Variants in SEMA4F observed in about 807,000 individuals in gnomAD.
SEMA4F encodes ssemaphorin 4F, also known as semaphorin-4F.
A neutral mutation model predicts 78.4 loss-of-function variants in SEMA4F; 51 were observed. The observed-to-expected ratio is 0.65, with a 90% CI of 0.52 to 0.82. SEMA4F has a LOEUF of 0.82. Among genes scored for constraint, SEMA4F ranks in the 40% least tolerant of loss-of-function variants. The probability of loss-of-function intolerance (pLI) is 0.00; values close to 1 mark genes in which losing one functional copy is unlikely to be tolerated. For synonymous variants in SEMA4F, 418 were observed against 408.7 expected (o/e 1.02, Z -0.27); for missense variants, 938 against 1,014.4 (o/e 0.92, Z 1.02).
At chr2:74,673,971 G>A (rs1013858793) in intron 7 of SEMA4F, 143 bp downstream of exon 7, 1 of 1,006,010 alleles carries the variant, frequency 9.9e-7, no homozygotes, top group African/African-American at 1.6e-5. Flanking sequence ...GGGAGCTTGA[G>A]GAATGTGAGA....
At chr2:74,675,450 T>G (rs1685222196) in intron 10 of SEMA4F, 66 bp downstream of exon 10, 1 of 1,591,044 alleles carries the variant, frequency 6.3e-7, no homozygotes, top group East Asian at 2.2e-5. Flanking sequence ...GAGAGGGTAC[T>G]GTAATACATA....
chr2:74,679,358 G>A, intron 13 of SEMA4F, 24 bp downstream of exon 13: 1 of 1,581,080 alleles, frequency 6.3e-7, no homozygotes, highest in Non-Finnish European at 8.7e-7. Context: ...GTATGGATTA[G>A]GGAAATGTGG....
rs562050550 is a variant in SEMA4F, at chr2:74,654,338, C to A, written c.-39C>A. On this transcript the variant is annotated 5_prime_UTR_variant, in exon 1 of 14. Transcript: ENST00000357877. ...TAGCCCCGGGGCCCTGAGCAGAGGC[C>A]GTAGCTTGCGCCGCACCCGCGGCCA... The A allele has an allele frequency of 1.5e-4, 221 of 1,444,970 alleles. 1 individual carries two copies. The highest frequency in any genetic ancestry group is 8.9e-5 in the African/African-American group (6 of 67,182). The allele number at this position is 1,444,970 out of a possible 1,614,324, so 89.5% of individuals were successfully genotyped here. A position where few individuals can be genotyped will look rare whatever the true frequency, so the allele number is the denominator to read the frequency against.
chr2:74,689,812 C>T, the SEMA4F span, among the ~76,000 whole-genome samples: 74 of 152,302 alleles, frequency 4.9e-4, no homozygotes, highest in African/African-American at 1.6e-3. Context: ...CAGACAAGGA[C>T]ACTCAGTGCC....
intron 12 of SEMA4F, among the ~76,000 whole-genome samples, chr2:74,677,193 C>T (rs187098774): frequency 5.3e-5 from 8 of 152,270 alleles, no homozygotes; most frequent in Admixed American, 2.0e-4. Context: ...TGAGCCACTG[C>T]GCCCAGCCCA....
At chr2:74,707,084 C>CAACT in the SEMA4F span, among the ~76,000 whole-genome samples, 29 of 151,840 alleles carry the variant, frequency 1.9e-4, 1 homozygote, top group South Asian at 5.8e-3. Flanking sequence ...ATGTATCTGA[C>CAACT]AAATGCATTT....
intron 5 of SEMA4F, among the ~76,000 whole-genome samples, chr2:74,669,448 G>A (rs1315068221): frequency 1.3e-5 from 2 of 151,778 alleles, no homozygotes; most frequent in South Asian, 4.1e-4. Flanking sequence ...GCTGGGTGTG[G>A]TGGGGGGGTG....
At position 74,680,123 on chromosome 2, in the gene SEMA4F, C is replaced by G. The variant is rs374314667; in HGVS notation, c.2227C>G (p.Pro743Ala). 5.0e-6 allele frequency: 8 copies of G among 1,612,882 alleles called. No individual in the cohort carries two copies. Among genetic ancestry groups the G allele is most frequent in the African/African-American group, 1.3e-5 (1 of 74,912 alleles). Residue 743 changes from proline to alanine, a missense_variant, in exon 14 of 14, where the codon CCC (proline) becomes GCC (alanine). By Grantham distance (27) the Pro-to-Ala change is conservative. Transcript: ENST00000357877. The part of the protein sequence containing the change: ...RGSGFGGFSP[P>A]FLLDPCPSPA... The stretch of plus-strand genomic sequence containing the variant: ...CAGTGGCTTTGGTGGATTCTCACCA[C>G]CCTTCCTGCTTGATCCTTGCCCAAG...
At chr2:74,660,037 TAAC>T (rs914253193) in intron 4 of SEMA4F, among the ~76,000 whole-genome samples, 2 of 152,148 alleles carry the variant, frequency 1.3e-5, no homozygotes, top group Non-Finnish European at 2.9e-5. Context: ...GTTAGACTTC[TAAC>T]AACAACAACA....
At chr2:74,679,355 T>A in intron 13 of SEMA4F, 21 bp downstream of exon 13, 1 of 1,595,054 alleles carries the variant, frequency 6.3e-7, no homozygotes, top group Non-Finnish European at 8.6e-7. Context: ...TCTGTATGGA[T>A]TAGGGAAATG....
At position 74,656,435 on chromosome 2, in the gene SEMA4F, T is replaced by C. The variant is rs1353248441; in HGVS notation, c.146-99T>C. The C allele has an allele frequency of 2.5e-6, 3 of 1,183,666 alleles. No individual in the cohort carries two copies. The East Asian group carries it at 7.1e-5, about 28-fold the overall frequency. 73.3% of individuals were successfully genotyped at this position (1,183,666 alleles called of 1,614,324 possible). ...TCCCCCATGGCTGCTTAATAAATGGTACTTGGAAGAAAACAAAAATTGGCC... is the reference window on the plus strand; with the variant it reads ...TCCCCCATGGCTGCTTAATAAATGGCACTTGGAAGAAAACAAAAATTGGCC... On this transcript the variant is annotated intron_variant, in intron 1 of 13. Transcript: ENST00000357877.
chr2:74,669,653 A>T (rs1397537522), intron 5 of SEMA4F, among the ~76,000 whole-genome samples: 3 of 152,184 alleles, frequency 2.0e-5, no homozygotes, highest in Admixed American at 2.0e-4. Flanking sequence ...GAATGAACTG[A>T]TAATTCCTAT....
rs1456897882 is a variant in SEMA4F at position 74,675,272 on chromosome 2, A to T, written c.1260A>T (p.Pro420=). The part of the protein sequence containing the change: ...DHPLMDRPVF[P]ADGHPLLVTT... ...CACTCATGGACAGGCCAGTGTTTCCAGCTGATGGCCACCCCCTGCTGGTCA... is the reference window on the plus strand; with the variant it reads ...CACTCATGGACAGGCCAGTGTTTCCTGCTGATGGCCACCCCCTGCTGGTCA... Residue 420 remains proline, a synonymous_variant, in exon 10 of 14, where the codon CCA becomes CCT. Transcript: ENST00000357877. The T allele has an allele frequency of 6.2e-7, 1 of 1,614,040 alleles. No individual in the cohort carries two copies. Among genetic ancestry groups the T allele is most frequent in the African/African-American group, 1.3e-5 (1 of 74,918 alleles).
At chr2:74,686,863 A>G (rs948824210), downstream of SEMA4F, among the ~76,000 whole-genome samples, 2 of 143,388 alleles carry the variant, frequency 1.4e-5, no homozygotes, top group African/African-American at 5.5e-5. Flanking sequence ...AACATCACAC[A>G]CTGGGGCCTG....
At chr2:74,698,615 G>A in the SEMA4F span, among the ~76,000 whole-genome samples, 1 of 152,176 alleles carries the variant, frequency 6.6e-6, no homozygotes, top group Non-Finnish European at 1.5e-5. Flanking sequence ...TGTTGAAACA[G>A]AACCTTAGCA....
At chr2:74,667,338 A>G (rs916940666) in intron 5 of SEMA4F, among the ~76,000 whole-genome samples, 3 of 152,232 alleles carry the variant, frequency 2.0e-5, no homozygotes, top group Non-Finnish European at 4.4e-5. Flanking sequence ...GTGTAAGAGT[A>G]TAGATTTTGA....
intron 5 of SEMA4F, among the ~76,000 whole-genome samples, chr2:74,667,900 C>A (rs762785087): frequency 6.6e-6 from 1 of 152,210 alleles, no homozygotes; most frequent in Non-Finnish European, 1.5e-5. Context: ...AAATCTGCAT[C>A]TGCCTCCTGG....
chr2:74,657,718 C>T, intron 3 of SEMA4F, 94 bp downstream of exon 3: 2 of 1,424,482 alleles, frequency 1.4e-6, no homozygotes, highest in South Asian at 2.3e-5. Flanking sequence ...TACCAATGGG[C>T]CCAGGCAGAG....
At chr2:74,706,443 CAT>C in the SEMA4F span, among the ~76,000 whole-genome samples, 42,626 of 151,908 alleles carry the variant, frequency 0.28, 8,953 homozygotes, top group East Asian at 0.82. Flanking sequence ...GTGAGACAAA[CAT>C]AGGGTCATGG....
Sources: allele counts gnomAD v4.1 joint callset (sites outside exome capture counted in the v4.1 genomes callset), GRCh38; gene constraint gnomAD v4.1.1; transcripts MANE v1.5; gene names NCBI Gene and HGNC (gene_info 2026-07-23, HGNC 2026-07-21).